Variants in ADAMTSL1 observed in about 807,000 individuals in gnomAD.
ADAMTSL1 encodes the protein ADAMTS-like protein 1.
ADAMTSL1 carries 126 observed loss-of-function variants against 201.8 expected under a neutral mutation model. The ratio of observed to expected loss-of-function variants is 0.62; its 90% CI spans 0.54 to 0.72. The LOEUF (loss-of-function observed/expected upper bound fraction) is 0.72. ADAMTSL1 is among the 30% of genes least tolerant of loss of function. ADAMTSL1 has a pLI of 0.00. For synonymous variants in ADAMTSL1, 1,121 were observed against 903.4 expected (o/e 1.24, Z -4.32); for missense variants, 2,679 against 2,277.8 (o/e 1.18, Z -3.59).
chr9:18,867,409 GAC>G (rs1281307116), intron 23 of ADAMTSL1, among the ~76,000 whole-genome samples: 2 of 152,188 alleles, frequency 1.3e-5, no homozygotes, highest in Non-Finnish European at 2.9e-5. Context: ...CAATTGTTTA[GAC>G]ACAGAGTCAT....
At chr9:18,528,426 T>C (rs764753723) in intron 2 of ADAMTSL1, among the ~76,000 whole-genome samples, 2 of 152,140 alleles carry the variant, frequency 1.3e-5, no homozygotes, top group African/African-American at 2.4e-5. Context: ...TATACATGTG[T>C]TCTCATCATT....
At chr9:18,457,833 T>C (rs1820665659) in intron 2 of ADAMTSL1, among the ~76,000 whole-genome samples, 1 of 152,232 alleles carries the variant, frequency 6.6e-6, no homozygotes, top group Non-Finnish European at 1.5e-5. Flanking sequence ...TATATGCATA[T>C]TATACTTCAA....
chr9:18,805,336 G>A (rs1490531814), intron 20 of ADAMTSL1, among the ~76,000 whole-genome samples: 3 of 152,192 alleles, frequency 2.0e-5, no homozygotes, highest in Admixed American at 1.3e-4. Flanking sequence ...TCTAACAAAT[G>A]TATTACCTCT....
intron 13 of ADAMTSL1, among the ~76,000 whole-genome samples, chr9:18,696,494 TA>T (rs1474965142): frequency 6.6e-6 from 1 of 152,210 alleles, no homozygotes; most frequent in Non-Finnish European, 1.5e-5. Context: ...AGGAGACAAT[TA>T]AAAGCTTTAC....
chr9:18,402,933 T>G (rs775165198), intron 2 of ADAMTSL1, among the ~76,000 whole-genome samples: 9 of 152,156 alleles, frequency 5.9e-5, no homozygotes, highest in Non-Finnish European at 1.2e-4. Flanking sequence ...ACGTGCATTC[T>G]CATTTGATCC....
In ADAMTSL1 at chr9:17,939,704, T is replaced by G. The variant is rs1276479053; in HGVS notation, c.87+32782T>G. Among the ~76,000 whole-genome samples, 3 of 152,166 alleles carry G rather than the reference T, an allele frequency of 2.0e-5. No homozygotes were observed. The South Asian group carries it at 6.2e-4, about 31-fold the overall frequency. ...CATTCATTTACTTAGGGCCCATTTA[T>G]TGAACACACATTGTACTCCCATACT... On this transcript the variant is annotated intron_variant, in intron 1 of 29. Coordinates refer to the ADAMTSL1 transcript ENST00000680146.
intron 2 of ADAMTSL1, among the ~76,000 whole-genome samples, chr9:18,404,208 T>G (rs991604820): frequency 2.6e-5 from 4 of 152,086 alleles, no homozygotes; most frequent in Admixed American, 6.5e-5. Context: ...AAGTTTATGC[T>G]TTTTTAAAGT....
chr9:18,673,839 T>C (rs1587860296), intron 9 of ADAMTSL1, among the ~76,000 whole-genome samples: 1 of 152,206 alleles, frequency 6.6e-6, no homozygotes, highest in Admixed American at 6.5e-5. Flanking sequence ...ATTTATTCCT[T>C]AATTGACTAC....
At chr9:18,419,161 T>C (rs1818825828) in intron 2 of ADAMTSL1, among the ~76,000 whole-genome samples, 1 of 152,174 alleles carries the variant, frequency 6.6e-6, no homozygotes, top group Admixed American at 6.5e-5. Flanking sequence ...AGCAAAACTC[T>C]CAACCAAAAC....
chr9:18,086,160 C>T (rs1285639045), intron 1 of ADAMTSL1, among the ~76,000 whole-genome samples: 5 of 151,936 alleles, frequency 3.3e-5, no homozygotes, highest in Non-Finnish European at 7.4e-5. Flanking sequence ...GTTTGAAGTG[C>T]CTATTGGTCA....
chr9:18,517,102 C>A (rs1338502038), intron 2 of ADAMTSL1, among the ~76,000 whole-genome samples: 1 of 152,172 alleles, frequency 6.6e-6, no homozygotes, highest in Non-Finnish European at 1.5e-5. Flanking sequence ...GTTGCTAAAA[C>A]ACATTTGTTT....
chr9:18,145,604 C>T (rs1365910055), intron 1 of ADAMTSL1, among the ~76,000 whole-genome samples: 3 of 152,076 alleles, frequency 2.0e-5, no homozygotes, highest in South Asian at 2.1e-4. Flanking sequence ...TAAACATTAG[C>T]TCAAAAGTGG....
intron 2 of ADAMTSL1, among the ~76,000 whole-genome samples, chr9:18,169,100 G>C (rs10810916): frequency 0.4 from 46,092 of 115,694 alleles, 9,173 homozygotes; most frequent in Admixed American, 0.44. Context: ...ATGGTAGTTT[G>C]TTTTGCTGTG....
intron 1 of ADAMTSL1, among the ~76,000 whole-genome samples, chr9:17,925,856 T>TA (rs59321084): frequency 0.019 from 2,858 of 147,850 alleles, 80 homozygotes; most frequent in African/African-American, 0.062. Context: ...AAAGTATAAT[T>TA]AAAAAAAAAA....
In ADAMTSL1 at chr9:18,753,527, C is replaced by G; in HGVS notation, c.2217+19C>G. 6.3e-7 allele frequency: 1 copy of G among 1,599,564 alleles called. No homozygotes were observed. Among genetic ancestry groups the G allele is most frequent in the South Asian group, 1.1e-5 (1 of 88,692 alleles). On this transcript the variant is annotated intron_variant, in intron 16 of 28. Coordinates refer to ENST00000380548, the MANE Select transcript of ADAMTSL1 (RefSeq NM_001040272.6). ...GCAGCCGGTGAGTTCTGAAGTTACT[C>G]AATATTGGAGCTTTTGTTTGCAACA...
chr9:18,824,410 C>T (rs1824403605), intron 21 of ADAMTSL1, among the ~76,000 whole-genome samples: 1 of 152,202 alleles, frequency 6.6e-6, no homozygotes, highest in South Asian at 2.1e-4. Context: ...TTAGCGTGTG[C>T]CTCTCTCTGA....
chr9:18,314,366 C>T (rs1281359237), intron 2 of ADAMTSL1, among the ~76,000 whole-genome samples: 1 of 152,012 alleles, frequency 6.6e-6, no homozygotes. Flanking sequence ...GCTGTGGACC[C>T]TTGCAGTGAG....
intron 4 of ADAMTSL1, among the ~76,000 whole-genome samples, chr9:18,605,134 A>T (rs1321767013): frequency 6.6e-6 from 1 of 152,126 alleles, no homozygotes; most frequent in Non-Finnish European, 1.5e-5. Flanking sequence ...TCTGCTCCCA[A>T]GCTCAGAAAA....
rs199860627 is a variant in ADAMTSL1 at position 18,680,453 on chromosome 9, G to T, written c.1278G>T (p.Met426Ile). The change falls in exon 11 of 29, where the codon ATG (methionine) becomes ATT (isoleucine). Residue 426 changes from methionine (M) to isoleucine (I), a missense_variant. By Grantham distance (10) the Met-to-Ile change is conservative. Transcript: ENST00000380548. ...GGAAATGCATGTACACCCCTAAGATGCCCATCGCGCAGCCCTGCAACATTT... is the reference window on the plus strand; with the variant it reads ...GGAAATGCATGTACACCCCTAAGATTCCCATCGCGCAGCCCTGCAACATTT... ...EEWKCMYTPK[M>I]PIAQPCNIFD... is the part of the protein sequence containing the mutation. The T allele has an allele frequency of 3.1e-6, 5 of 1,614,140 alleles. No individual in the cohort carries two copies. The African/African-American group carries it at 5.3e-5, about 17-fold the overall frequency.
Sources: allele counts gnomAD v4.1 joint callset (sites outside exome capture counted in the v4.1 genomes callset), GRCh38; gene constraint gnomAD v4.1.1; transcripts MANE v1.5; gene names NCBI Gene and HGNC (gene_info 2026-07-23, HGNC 2026-07-21).